KLHL3: variants seen among roughly 807,000 people sequenced by gnomAD.
KLHL3 encodes the protein kelch like family member 3, also known as kelch-like protein 3.
KLHL3 carries 19 observed loss-of-function variants against 70.5 expected under a neutral mutation model. The observed-to-expected ratio is 0.27, with a 90% CI of 0.19 to 0.40. KLHL3 has a LOEUF of 0.40. KLHL3 is among the 10% of genes least tolerant of loss of function. The pLI is 1.00. For missense variants in KLHL3, 512 were observed against 771.1 expected (o/e 0.66, Z 3.98); for synonymous variants, 258 against 290.3 (o/e 0.89, Z 1.13).
At chr5:137,653,848 A>C (rs758238117) in intron 8 of KLHL3, among the ~76,000 whole-genome samples, 12 of 152,246 alleles carry the variant, frequency 7.9e-5, no homozygotes, top group East Asian at 1.9e-4. Flanking sequence ...TGGATACCCA[A>C]ATGTCCACCA....
intron 13 of KLHL3, among the ~76,000 whole-genome samples, chr5:137,627,796 T>C (rs1750515049): frequency 6.6e-6 from 1 of 152,032 alleles, no homozygotes; most frequent in Admixed American, 6.6e-5. Flanking sequence ...AAGACAGGAA[T>C]ACAAAGAAAG....
At chr5:137,678,538 C>T (rs1268489752) in intron 5 of KLHL3, among the ~76,000 whole-genome samples, 1 of 152,156 alleles carries the variant, frequency 6.6e-6, no homozygotes, top group African/African-American at 2.4e-5. Flanking sequence ...CCAGGCTGGT[C>T]GTGATCTCCT....
chr5:137,704,034 G>C (rs1752625421), intron 3 of KLHL3, among the ~76,000 whole-genome samples: 1 of 152,160 alleles, frequency 6.6e-6, no homozygotes, highest in Non-Finnish European at 1.5e-5. Flanking sequence ...CCTACTTATT[G>C]TTATTATTCC....
Position 137,639,838 on chromosome 5 carries a change from G to A in KLHL3, c.1021+22C>T. Reference sequence around the variant, plus strand: ...GGGACCAGCAGGGGAAAAACAGCTTGCAGAACTGGGAGGCTGCTCACCTGC... The same window carrying A: ...GGGACCAGCAGGGGAAAAACAGCTTACAGAACTGGGAGGCTGCTCACCTGC... On this transcript the variant is annotated intron_variant, in intron 9 of 14. Coordinates refer to ENST00000309755, the MANE Select transcript of KLHL3 (RefSeq NM_017415.3). This position sits in a 1 kb window ranked among gnomAD's most constrained non-coding sequence, Gnocchi z 5.0. 6.3e-7 allele frequency: 1 copy of A among 1,582,972 alleles called. No homozygotes were observed. The highest frequency in any genetic ancestry group is 8.7e-7 in the Non-Finnish European group (1 of 1,151,586).
At position 137,662,459 on chromosome 5, in the gene KLHL3, C is replaced by T. The variant is rs537792777; in HGVS notation, c.637-428G>A. Among the ~76,000 whole-genome samples, 52 of 152,294 alleles carry T rather than the reference C, an allele frequency of 3.4e-4. 1 individual carries two copies. The South Asian group carries it at 9.3e-3, about 27-fold the overall frequency. ...CAATGTCGTCATCTCCCCATGCCCC[C>T]GTTTCCTCACTTATGTCCCGTGTAA... On this transcript the variant is annotated intron_variant, in intron 6 of 14. Coordinates refer to ENST00000309755, the MANE Select transcript of KLHL3 (RefSeq NM_017415.3).
chr5:137,700,401 C>A (rs1413629900), intron 3 of KLHL3, among the ~76,000 whole-genome samples: 2 of 152,164 alleles, frequency 1.3e-5, no homozygotes, highest in Non-Finnish European at 2.9e-5. Flanking sequence ...CCAAGAGATT[C>A]AGAAGCCCTC....
At chr5:137,732,793 C>T (rs1020257376) in intron 1 of KLHL3, among the ~76,000 whole-genome samples, 3 of 152,160 alleles carry the variant, frequency 2.0e-5, no homozygotes, top group African/African-American at 7.2e-5. Flanking sequence ...GTACCTTACA[C>T]ATATTGTACC....
rs764422948 is a variant in KLHL3 at position 137,625,845 on chromosome 5, G to T, written c.1643C>A (p.Ser548Tyr). ...GTACTCCACCGAAGCCAAGTTGCAG[G>T]ATCCATCATCCCCTCCAACCACATA... is the stretch of plus-strand genomic sequence containing the variant. ...LLYVVGGDDG[S>Y]CNLASVEYYN... Residue 548 changes from serine (S) to tyrosine (Y), a missense_variant, in exon 14 of 15, where the codon TCC (serine) becomes TAC (tyrosine). Physicochemically the swap from Ser to Tyr is moderately radical, Grantham distance 144. Coordinates refer to ENST00000309755, the MANE Select transcript of KLHL3 (RefSeq NM_017415.3). 3.1e-6 allele frequency: 5 copies of T among 1,614,112 alleles called. No individual in the cohort carries two copies. The highest frequency in any genetic ancestry group is 1.3e-5 in the African/African-American group (1 of 75,006).
intron 3 of KLHL3, among the ~76,000 whole-genome samples, chr5:137,706,693 T>C (rs1038591650): frequency 2.0e-5 from 3 of 152,216 alleles, no homozygotes; most frequent in Admixed American, 6.5e-5. Flanking sequence ...AATTAGAGTA[T>C]ATATAATGGA....
chr5:137,631,121 C>T (rs533136953), intron 12 of KLHL3, among the ~76,000 whole-genome samples: 35 of 146,612 alleles, frequency 2.4e-4, no homozygotes, highest in Non-Finnish European at 3.7e-4. Flanking sequence ...AATAACATTG[C>T]GGGAATGTGG....
Position 137,622,115 on chromosome 5 carries a change from T to C in KLHL3, c.1747A>G (p.Ile583Val). 1 of 1,614,252 alleles carries C rather than the reference T, an allele frequency of 6.2e-7. No individual in the cohort carries two copies. The highest frequency in any genetic ancestry group is 8.5e-7 in the Non-Finnish European group (1 of 1,180,044). ...TGRSYAGVAV[I>V]HKSL Reference sequence around the variant, plus strand: ...AGTTTGGGTCACAAGGACTTGTGAATCACGGCAACACCTAATAAGAAAGGG... The same window carrying C: ...AGTTTGGGTCACAAGGACTTGTGAACCACGGCAACACCTAATAAGAAAGGG... Residue 583 changes from isoleucine to valine, a missense_variant, in exon 15 of 15, where the codon ATT becomes GTT. Physicochemically the swap from Ile to Val is conservative, Grantham distance 29. Coordinates refer to ENST00000309755, the MANE Select transcript of KLHL3 (RefSeq NM_017415.3).
intron 1 of KLHL3, among the ~76,000 whole-genome samples, chr5:137,733,320 G>C (rs1234586872): frequency 6.6e-6 from 1 of 152,206 alleles, no homozygotes; most frequent in Non-Finnish European, 1.5e-5. Flanking sequence ...ATTGGCCAAA[G>C]GCTTCAGTCT....
intron 8 of KLHL3, among the ~76,000 whole-genome samples, chr5:137,641,411 TC>T: frequency 6.6e-6 from 1 of 152,286 alleles, no homozygotes; most frequent in South Asian, 2.1e-4. Context: ...TCTAACAAGT[TC>T]CCAGGTGCTG....
At chr5:137,685,244 C>T (rs1488451403) in intron 5 of KLHL3, among the ~76,000 whole-genome samples, 1 of 152,094 alleles carries the variant, frequency 6.6e-6, no homozygotes, top group African/African-American at 2.4e-5. Flanking sequence ...ATATTATGTA[C>T]AAGAATTCTC....
intron 2 of KLHL3, among the ~76,000 whole-genome samples, chr5:137,711,643 C>A (rs1335443693): frequency 6.6e-6 from 1 of 152,160 alleles, no homozygotes; most frequent in Non-Finnish European, 1.5e-5. Context: ...CCAGTGCAAC[C>A]AGGAACAGAA....
intron 1 of KLHL3, among the ~76,000 whole-genome samples, chr5:137,730,475 A>T (rs1753155781): frequency 6.6e-6 from 1 of 152,196 alleles, no homozygotes; most frequent in Admixed American, 6.5e-5. Flanking sequence ...TGGGGCCTTC[A>T]CACAAGCCAA....
intron 3 of KLHL3, among the ~76,000 whole-genome samples, chr5:137,699,640 T>C (rs1266406810): frequency 1.3e-5 from 2 of 152,156 alleles, no homozygotes; most frequent in African/African-American, 2.4e-5. Flanking sequence ...CTGCACTCTA[T>C]ATACAACACA....
At chr5:137,707,263 T>A (rs1280557253) in intron 3 of KLHL3, among the ~76,000 whole-genome samples, 1 of 152,068 alleles carries the variant, frequency 6.6e-6, no homozygotes. Flanking sequence ...CAAAACCCAC[T>A]CTCTACTAAA....
intron 2 of KLHL3, among the ~76,000 whole-genome samples, chr5:137,720,044 G>A (rs1402693014): frequency 6.6e-6 from 1 of 152,166 alleles, no homozygotes; most frequent in Non-Finnish European, 1.5e-5. Flanking sequence ...GCTCACGCCT[G>A]TAATCCCAGC....
Sources: gnomAD v4.1 joint callset for allele counts (sites outside exome capture counted in the v4.1 genomes callset) on GRCh38, gnomAD v4.1.1 for gene constraint, Gnocchi (gnomAD v3.1) non-coding constraint, MANE v1.5 for transcripts, NCBI Gene and HGNC (gene_info 2026-07-23, HGNC 2026-07-21) for gene names.